Variants in TRRAP observed in about 807,000 individuals in gnomAD.
TRRAP encodes transformation/transcription domain associated protein, also known as transformation/transcription domain-associated protein.
TRRAP carries 41 observed loss-of-function variants against 438.8 expected under a neutral mutation model. That is an observed-to-expected ratio of 0.09 (90% confidence interval 0.07 to 0.12). The LOEUF is 0.12. Among genes scored for constraint, TRRAP ranks in the 10% least tolerant of loss-of-function variants. TRRAP has a pLI of 1.00. For missense variants in TRRAP, 3,122 were observed against 5,055.1 expected (o/e 0.62, Z 11.60); for synonymous variants, 1,994 against 1,962.9 (o/e 1.02, Z -0.42).
intron 67 of TRRAP, among the ~76,000 whole-genome samples, chr7:98,995,395 C>T (rs1023783457): frequency 1.3e-5 from 2 of 151,792 alleles, no homozygotes; most frequent in African/African-American, 4.8e-5. Context: ...GAGATGGCGC[C>T]GGGTGAGCCA....
At chr7:98,973,049 G>A (rs1341247817) in intron 53 of TRRAP, among the ~76,000 whole-genome samples, 2 of 151,992 alleles carry the variant, frequency 1.3e-5, no homozygotes, top group Admixed American at 6.6e-5. Context: ...GTGCAATCTC[G>A]GCTCACAGCA....
rs1232442472 is a variant in TRRAP at position 98,992,145 on chromosome 7, C to T, written c.9765C>T (p.Arg3255=). ...ATCTTGTCTCTGAGCAGGTTGGACG[C>T]GTGTATCCCCAAGCGGTCTACTTTC... The part of the protein sequence containing the change: ...LLLNLISQVG[R]VYPQAVYFPI... The change falls in exon 65 of 73, where the codon CGC becomes CGT. Residue 3255 remains arginine, a synonymous_variant. Coordinates refer to ENST00000456197, the MANE Select transcript of TRRAP (RefSeq NM_001375524.1). 3.7e-6 allele frequency: 6 copies of T among 1,614,100 alleles called. No individual in the cohort carries two copies. Among genetic ancestry groups the T allele is most frequent in the African/African-American group, 1.3e-5 (1 of 74,934 alleles).
At chr7:98,988,027 T>C (rs1312374623) in intron 62 of TRRAP, among the ~76,000 whole-genome samples, 1 of 152,210 alleles carries the variant, frequency 6.6e-6, no homozygotes, top group Non-Finnish European at 1.5e-5. Flanking sequence ...GAACCACCCT[T>C]ATTGCTGGGA....
intron 31 of TRRAP, 52 bp from the exon 32 acceptor site, chr7:98,945,695 T>A: frequency 6.3e-7 from 1 of 1,591,268 alleles, no homozygotes. Context: ...GTGGGAAGTT[T>A]TTATGTAAAT....
chr7:98,942,501 G>A (rs1045980433), intron 30 of TRRAP, among the ~76,000 whole-genome samples: 2 of 152,144 alleles, frequency 1.3e-5, no homozygotes, highest in East Asian at 1.9e-4. Context: ...TTACAACACT[G>A]TAATTGTAGC....
At position 99,012,445 on chromosome 7, in the gene TRRAP, A is replaced by G. The variant is rs1794472373; in HGVS notation, c.*90A>G. The G allele has an allele frequency of 2.9e-6, 4 of 1,403,208 alleles. No individual in the cohort carries two copies. Among genetic ancestry groups the G allele is most frequent in the Middle Eastern group, 5.2e-4 (2 of 3,822 alleles). 86.9% of individuals were successfully genotyped at this position (1,403,208 alleles called of 1,614,324 possible). ...GACTTCTCCCTGCCTCGTTCCTTATATTCACAGAAGCCCCATAGTTTCACT... is the reference window on the plus strand; with the variant it reads ...GACTTCTCCCTGCCTCGTTCCTTATGTTCACAGAAGCCCCATAGTTTCACT... On this transcript the variant is annotated 3_prime_UTR_variant, in exon 73 of 73. Transcript: ENST00000456197. This position sits in a 1 kb window ranked among gnomAD's most constrained non-coding sequence, Gnocchi z 5.9.
Position 98,931,467 on chromosome 7 carries a change from A to G in TRRAP, c.3654A>G (p.Ala1218=), listed in dbSNP as rs782042101. ...TTLEQLLMRC[A]TPLKDEERAE... is the part of the protein sequence containing the mutation. Reference sequence around the variant, plus strand: ...TGGAGCAGCTTCTGATGCGGTGCGCAACGCCTTTAAAAGACGAGGAGAGAG... The same window carrying G: ...TGGAGCAGCTTCTGATGCGGTGCGCGACGCCTTTAAAAGACGAGGAGAGAG... Residue 1218 remains alanine (A), a synonymous_variant, in exon 26 of 73, where the codon GCA becomes GCG. Transcript: ENST00000456197. The G allele has an allele frequency of 1.9e-6, 3 of 1,614,160 alleles. No homozygotes were observed. The highest frequency in any genetic ancestry group is 2.5e-6 in the Non-Finnish European group (3 of 1,180,014).
At chr7:98,974,162 G>A (rs1192849045) in intron 53 of TRRAP, among the ~76,000 whole-genome samples, 1 of 152,198 alleles carries the variant, frequency 6.6e-6, no homozygotes, top group Non-Finnish European at 1.5e-5. Flanking sequence ...CCGGGGTAAA[G>A]CAGCCAGGGC....
chr7:98,962,861 C>T (rs1238746686), intron 47 of TRRAP, among the ~76,000 whole-genome samples: 2 of 152,328 alleles, frequency 1.3e-5, no homozygotes, highest in Non-Finnish European at 2.9e-5. Flanking sequence ...AACTGCCTCC[C>T]TCCTTAGGTG....
intron 65 of TRRAP, 57 bp from the exon 66 acceptor site, chr7:98,993,481 G>A (rs867167385): frequency 2.4e-5 from 38 of 1,581,374 alleles, no homozygotes; most frequent in Middle Eastern, 3.5e-4. Flanking sequence ...GCAGCGCTCC[G>A]AGCCCTGGCG....
rs78509173 is a variant in TRRAP, at chr7:98,990,633, G to T, written c.9756+14G>T. 58,554 of 1,600,000 alleles carry T rather than the reference G, an allele frequency of 0.037. 1,244 individuals are homozygous for T. The highest frequency in any genetic ancestry group is 0.051 in the South Asian group (4,618 of 90,454). ...CTCATTAGCCAGGTGGGAAGAGCAG[G>T]GTGGCCTTGTTCACGTGCACAAAAC... On this transcript the variant is annotated intron_variant, in intron 64 of 72. Transcript: ENST00000456197.
At chr7:98,927,720 C>G (rs1022698844) in intron 23 of TRRAP, among the ~76,000 whole-genome samples, 3 of 152,094 alleles carry the variant, frequency 2.0e-5, no homozygotes, top group African/African-American at 7.2e-5. Context: ...GCCAGTCTTG[C>G]CCTCCAGAAA....
Position 98,953,394 on chromosome 7 carries a change from T to C in TRRAP, c.5691T>C (p.Ile1897=). The change falls in exon 40 of 73, where the codon ATT becomes ATC. Residue 1897 remains isoleucine, a synonymous_variant. Transcript: ENST00000456197. ...GCGGACACTTGCTCCTGGCGCACATTATCGCCAAATTCGCCATACACAAGA... is the reference window on the plus strand; with the variant it reads ...GCGGACACTTGCTCCTGGCGCACATCATCGCCAAATTCGCCATACACAAGA... The part of the protein sequence containing the change: ...KYSGHLLLAH[I]IAKFAIHKKI... The C allele has an allele frequency of 6.2e-7, 1 of 1,613,184 alleles. No individual in the cohort carries two copies. Among genetic ancestry groups the C allele is most frequent in the Non-Finnish European group, 8.5e-7 (1 of 1,180,026 alleles).
At position 98,978,280 on chromosome 7, in the gene TRRAP, G is replaced by C. The variant is rs565375150; in HGVS notation, c.8455G>C (p.Ala2819Pro). The C allele has an allele frequency of 6.2e-7, 1 of 1,614,194 alleles. No homozygotes were observed. The highest frequency in any genetic ancestry group is 1.3e-5 in the African/African-American group (1 of 75,056). ...KEHERSNASP[A>P]IFPEYQLWED... is the part of the protein sequence containing the mutation. Reference sequence around the variant, plus strand: ...ACATGAGAGGAGTAACGCCTCCCCTGCTATTTTCCCTGAATACCAGCTCTG... The same window carrying C: ...ACATGAGAGGAGTAACGCCTCCCCTCCTATTTTCCCTGAATACCAGCTCTG... Residue 2819 changes from alanine (A) to proline (P), a missense_variant, in exon 57 of 73, where the codon GCT (alanine) becomes CCT (proline). Ala to Pro is a conservative substitution (Grantham distance 27). Transcript: ENST00000456197.
At chr7:99,000,787 C>T (rs1793886836) in intron 67 of TRRAP, among the ~76,000 whole-genome samples, 1 of 152,142 alleles carries the variant, frequency 6.6e-6, no homozygotes, top group Non-Finnish European at 1.5e-5. Context: ...CCTGAAGGGT[C>T]GTGGCCAGGC....
intron 11 of TRRAP, among the ~76,000 whole-genome samples, chr7:98,901,437 CAATCCACAGCAGTAG>C (rs1186665897): frequency 6.6e-6 from 1 of 152,226 alleles, no homozygotes; most frequent in African/African-American, 2.4e-5. Flanking sequence ...GGATGCAGCT[CAATCCACAGCAGTAG>C]AATCCCATTG....
chr7:98,879,885 C>T (rs530812108), intron 1 of TRRAP, among the ~76,000 whole-genome samples: 9 of 152,252 alleles, frequency 5.9e-5, no homozygotes, highest in Non-Finnish European at 1.3e-4. Flanking sequence ...CAAAGGAGGT[C>T]CTGGTGTGTC....
intron 18 of TRRAP, among the ~76,000 whole-genome samples, chr7:98,913,746 A>G (rs374193882): frequency 2.6e-5 from 4 of 152,306 alleles, no homozygotes; most frequent in African/African-American, 9.6e-5. Context: ...CCCATCATAC[A>G]TTTTTATGGA....
intron 47 of TRRAP, among the ~76,000 whole-genome samples, chr7:98,963,260 A>G (rs989174371): frequency 1.3e-5 from 2 of 152,172 alleles, no homozygotes; most frequent in African/African-American, 4.8e-5. Context: ...TTTGGTTAAC[A>G]TGGTGTCCCT....
Sources: gnomAD v4.1 joint callset for allele counts (sites outside exome capture counted in the v4.1 genomes callset) on GRCh38, gnomAD v4.1.1 for gene constraint, Gnocchi (gnomAD v3.1) non-coding constraint, MANE v1.5 for transcripts, NCBI Gene and HGNC (gene_info 2026-07-23, HGNC 2026-07-21) for gene names.